The following CCDC85A variants were observed in gnomAD, a reference collection of about 807,000 sequenced individuals.
CCDC85A encodes coiled-coil domain containing 85A.
A neutral mutation model predicts 50.2 loss-of-function variants in CCDC85A; 38 were observed. The observed-to-expected ratio is 0.76, with a 90% CI of 0.58 to 0.99. The LOEUF is 0.99. Among genes scored for constraint, CCDC85A ranks in the 50% least tolerant of loss-of-function variants. The probability of loss-of-function intolerance (pLI) is 0.00; values close to 1 mark genes in which losing one functional copy is unlikely to be tolerated. For missense variants in CCDC85A, 820 were observed against 742.0 expected, an observed-to-expected ratio of 1.11 and a Z score of -1.22; for synonymous variants, 366 against 301.4, an observed-to-expected ratio of 1.21 and a Z score of -2.22.
chr2:56,361,003 C>T (rs185689907), intron 3 of CCDC85A, among the ~76,000 whole-genome samples: 3 of 152,278 alleles, frequency 2.0e-5, no homozygotes, highest in Admixed American at 6.5e-5. Flanking sequence ...CCTGTAATCC[C>T]AGCACTTTGG....
At chr2:56,286,799 A>G (rs189537716) in intron 2 of CCDC85A, among the ~76,000 whole-genome samples, 2 of 152,314 alleles carry the variant, frequency 1.3e-5, no homozygotes, top group African/African-American at 2.4e-5. Context: ...GACATCAAGG[A>G]TAATTCCTGG....
At chr2:56,236,553 C>A (rs1205987257) in intron 2 of CCDC85A, among the ~76,000 whole-genome samples, 2 of 152,140 alleles carry the variant, frequency 1.3e-5, no homozygotes, top group Admixed American at 6.6e-5. Flanking sequence ...GGCGTGAGAC[C>A]TCACACTTCT....
At chr2:56,359,739 C>T (rs758567646) in intron 3 of CCDC85A, among the ~76,000 whole-genome samples, 2 of 152,144 alleles carry the variant, frequency 1.3e-5, no homozygotes, top group African/African-American at 2.4e-5. Context: ...GAAAAAAGTA[C>T]GAAGTAGGTG....
intron 2 of CCDC85A, among the ~76,000 whole-genome samples, chr2:56,200,412 C>T (rs1676685885): frequency 6.6e-6 from 1 of 152,084 alleles, no homozygotes; most frequent in African/African-American, 2.4e-5. Flanking sequence ...TGCAAGAGAG[C>T]TGGGAAATTT....
chr2:56,373,040 G>A (rs181946919), intron 4 of CCDC85A, among the ~76,000 whole-genome samples: 82 of 152,070 alleles, frequency 5.4e-4, no homozygotes, highest in Non-Finnish European at 9.9e-4. Context: ...TCCAAATATT[G>A]GTCTGATTCT....
chr2:56,198,544 A>G (rs1676615717), intron 2 of CCDC85A, among the ~76,000 whole-genome samples: 1 of 152,246 alleles, frequency 6.6e-6, no homozygotes, highest in African/African-American at 2.4e-5. Flanking sequence ...TATGCAAAGC[A>G]TATTACATTT....
intron 2 of CCDC85A, among the ~76,000 whole-genome samples, chr2:56,224,478 A>G (rs1197022707): frequency 3.3e-5 from 5 of 152,164 alleles, no homozygotes; most frequent in Non-Finnish European, 7.4e-5. Context: ...TAGGAGTGGA[A>G]TGTCAACATG....
intron 2 of CCDC85A, among the ~76,000 whole-genome samples, chr2:56,331,078 C>A (rs1259201720): frequency 2.0e-5 from 3 of 152,108 alleles, no homozygotes; most frequent in African/African-American, 4.8e-5. Flanking sequence ...TCTTTTGCAG[C>A]AACATGGATG....
At chr2:56,366,322 G>A (rs1469297178) in intron 3 of CCDC85A, among the ~76,000 whole-genome samples, 2 of 152,080 alleles carry the variant, frequency 1.3e-5, no homozygotes, top group Non-Finnish European at 2.9e-5. Context: ...ATTTTTTGAA[G>A]GAACTTCATA....
intron 2 of CCDC85A, among the ~76,000 whole-genome samples, chr2:56,325,723 A>G (rs1414299781): frequency 6.6e-6 from 1 of 152,068 alleles, no homozygotes. Context: ...TCTTCTGTCT[A>G]CCTCTGAGAG....
At position 56,375,877 on chromosome 2, in the gene CCDC85A, G is replaced by A. The variant is rs1169736826; in HGVS notation, c.1514G>A (p.Ser505Asn). ...AACAGTTCACCCAACTCTGCAGCTA[G>A]CTTCAGTGGACATGCCACACCTTCC... ...GSNSSPNSAA[S>N]FSGHATPSQQ... The change falls in exon 5 of 6, where the codon AGC (serine) becomes AAC (asparagine). Residue 505 changes from serine to asparagine, a missense_variant. Transcript: ENST00000407595. The A allele has an allele frequency of 1.9e-6, 3 of 1,613,708 alleles. No homozygotes were observed. The highest frequency in any genetic ancestry group is 1.3e-5 in the African/African-American group (1 of 74,916).
chr2:56,305,365 A>G (rs1672396982), intron 2 of CCDC85A, among the ~76,000 whole-genome samples: 1 of 152,208 alleles, frequency 6.6e-6, no homozygotes, highest in Non-Finnish European at 1.5e-5. Context: ...GATGAGTACA[A>G]TGAAGCACAG....
Position 56,386,077 on chromosome 2 carries a change from A to T in CCDC85A, c.*1722A>T, listed in dbSNP as rs1676805960. ...ACAAAATAAACTTGTGTAAATTTTG[A>T]TACTGTATTAAAACTATTTTTTTAA... On this transcript the variant is annotated 3_prime_UTR_variant, in exon 6 of 6. Transcript: ENST00000407595. 1 of 152,242 alleles carries T rather than the reference A, an allele frequency of 6.6e-6. No homozygotes were observed. The highest frequency in any genetic ancestry group is 1.5e-5 in the Non-Finnish European group (1 of 67,832). The allele number at this position is 152,242 out of a possible 1,614,324, so 9.4% of individuals were successfully genotyped here.
intron 2 of CCDC85A, among the ~76,000 whole-genome samples, chr2:56,225,251 C>T (rs1668494790): frequency 6.6e-6 from 1 of 152,002 alleles, no homozygotes; most frequent in African/African-American, 2.4e-5. Context: ...GGTGAAACCC[C>T]ATCTCTACTA....
chr2:56,292,486 C>G (rs915372076), intron 2 of CCDC85A, among the ~76,000 whole-genome samples: 1 of 152,106 alleles, frequency 6.6e-6, no homozygotes, highest in Non-Finnish European at 1.5e-5. Context: ...CCTATAGACC[C>G]CTCTGCCTTC....
chr2:56,371,263 T>C (rs1676057587), intron 3 of CCDC85A, among the ~76,000 whole-genome samples: 1 of 152,150 alleles, frequency 6.6e-6, no homozygotes, highest in Non-Finnish European at 1.5e-5. Context: ...TACCAACTAC[T>C]GGTCATTATT....
At chr2:56,338,525 C>T (rs909149279) in intron 2 of CCDC85A, among the ~76,000 whole-genome samples, 23 of 152,172 alleles carry the variant, frequency 1.5e-4, no homozygotes, top group African/African-American at 5.5e-4. Context: ...ATCAATTTTT[C>T]CTAATGATTA....
intron 2 of CCDC85A, among the ~76,000 whole-genome samples, chr2:56,265,542 A>G (rs1670402593): frequency 6.6e-6 from 1 of 152,230 alleles, no homozygotes; most frequent in Non-Finnish European, 1.5e-5. Context: ...GTATATGAAA[A>G]AATGCTATTT....
At position 56,253,394 on chromosome 2, in the gene CCDC85A, T is replaced by C. The variant is rs186513854; in HGVS notation, c.1240+59954T>C. ...AAGAGTTTCCAGGCAAGAGATCTCA[T>C]GGGAGGGAGCAGGAAGCATGTAAAG... On this transcript the variant is annotated intron_variant, in intron 2 of 5. Transcript: ENST00000407595. 7.9e-5 allele frequency among the ~76,000 whole-genome samples: 12 copies of C among 152,114 alleles called. No individual in the cohort carries two copies. The East Asian group carries it at 2.3e-3, about 29-fold the overall frequency.
Sources: gnomAD v4.1 joint callset for allele counts (sites outside exome capture counted in the v4.1 genomes callset) on GRCh38, gnomAD v4.1.1 for gene constraint, MANE v1.5 for transcripts, NCBI Gene and HGNC (gene_info 2026-07-23, HGNC 2026-07-21) for gene names.